The following CIDEA variants were observed in gnomAD, a reference collection of about 807,000 sequenced individuals.
The protein encoded by CIDEA is lipid transferase CIDEA.
Under a neutral mutation model 18.2 loss-of-function variants are expected in CIDEA, and 10 were observed. That is an observed-to-expected ratio of 0.55 (90% CI 0.34 to 0.93). The LOEUF (loss-of-function observed/expected upper bound fraction) is 0.93. Ranked by LOEUF, CIDEA falls within the 40% of genes least tolerant of loss-of-function variation. The pLI, the probability that CIDEA is intolerant of heterozygous loss-of-function variation, is 0.02. For synonymous variants in CIDEA, 128 were observed against 124.8 expected, an observed-to-expected ratio of 1.03 and a Z score of -0.17; for missense variants, 309 against 293.1, an observed-to-expected ratio of 1.05 and a Z score of -0.40.
At chr18:12,270,541 T>C (rs1012054112) in intron 3 of CIDEA, among the ~76,000 whole-genome samples, 1 of 151,698 alleles carries the variant, frequency 6.6e-6, no homozygotes, top group Non-Finnish European at 1.5e-5. Context: ...ATACAAAAAT[T>C]AGACAAGCAT....
intron 1 of CIDEA, chr18:12,254,640 G>A (rs1338523005): frequency 4.6e-6 from 7 of 1,528,910 alleles, no homozygotes; most frequent in East Asian, 2.5e-5. Context: ...ATCCCGTCCC[G>A]CGCCTCCTCA....
chr18:12,269,897 C>T (rs1359980050), intron 3 of CIDEA, among the ~76,000 whole-genome samples: 2 of 151,980 alleles, frequency 1.3e-5, no homozygotes, highest in Non-Finnish European at 2.9e-5. Context: ...GGGATTTCTC[C>T]ATGTTGCCCA....
At chr18:12,267,307 C>T (rs1231231265) in intron 3 of CIDEA, among the ~76,000 whole-genome samples, 3 of 152,220 alleles carry the variant, frequency 2.0e-5, no homozygotes, top group Non-Finnish European at 4.4e-5. Flanking sequence ...GCAGCACACA[C>T]GTGTGCCCAG....
At chr18:12,272,402 A>G (rs980092704) in intron 3 of CIDEA, among the ~76,000 whole-genome samples, 2 of 151,526 alleles carry the variant, frequency 1.3e-5, no homozygotes, top group Non-Finnish European at 2.9e-5. Flanking sequence ...TAGTAGAGAC[A>G]GGGTTTCGCC....
rs141768127 is a variant in CIDEA at position 12,274,247 on chromosome 18, G to C, written c.485G>C (p.Arg162Pro). The change falls in exon 4 of 5, where the codon CGG (arginine) becomes CCG (proline). Residue 162 changes from arginine (R) to proline (P), a missense_variant. Coordinates refer to ENST00000320477, the MANE Select transcript of CIDEA (RefSeq NM_001279.4). Reference sequence around the variant, plus strand: ...ATGTACTCCGTGTCCTACGACATCCGGTGCACGGGACTCAAGGGCCTGCTG... The same window carrying C: ...ATGTACTCCGTGTCCTACGACATCCCGTGCACGGGACTCAAGGGCCTGCTG... The part of the protein sequence containing the change: ...YEMYSVSYDI[R>P]CTGLKGLLRS... 6.2e-7 allele frequency: 1 copy of C among 1,614,154 alleles called. No homozygotes were observed.
chr18:12,262,337 CT>C (rs1489599459), intron 1 of CIDEA, among the ~76,000 whole-genome samples: 5 of 152,126 alleles, frequency 3.3e-5, no homozygotes, highest in Non-Finnish European at 7.3e-5. Context: ...ATTTCAGAAA[CT>C]TCATTGATTG....
chr18:12,271,994 T>C (rs1568105700), intron 3 of CIDEA, among the ~76,000 whole-genome samples: 1 of 152,046 alleles, frequency 6.6e-6, no homozygotes, highest in African/African-American at 2.4e-5. Context: ...GAAAGGGATG[T>C]GAGGCTCGGA....
chr18:12,254,563 C>CCCGCGCACGCACCCAT, intron 1 of CIDEA, 142 bp downstream of exon 1: 1 of 1,509,726 alleles, frequency 6.6e-7, no homozygotes, highest in Non-Finnish European at 8.8e-7. Flanking sequence ...GCTCCGCGAC[C>CCCGCGCACGCACCCAT]CCGCGCACAC....
At chr18:12,272,705 G>A (rs1912586114) in intron 3 of CIDEA, among the ~76,000 whole-genome samples, 1 of 152,046 alleles carries the variant, frequency 6.6e-6, no homozygotes, top group Non-Finnish European at 1.5e-5. Context: ...AAAGGATGAT[G>A]AAGTCAACCT....
At chr18:12,254,485 T>A in intron 1 of CIDEA, 64 bp downstream of exon 1, 1 of 1,568,038 alleles carries the variant, frequency 6.4e-7, no homozygotes, top group Non-Finnish European at 8.6e-7. Flanking sequence ...GGTGGCCTCA[T>A]ATTCCCCTGT....
chr18:12,260,065 C>T (rs150379452), intron 1 of CIDEA, among the ~76,000 whole-genome samples: 169 of 152,302 alleles, frequency 1.1e-3, no homozygotes, highest in African/African-American at 3.8e-3. Flanking sequence ...AAGGCACAAA[C>T]ACTCACGATT....
chr18:12,271,672 G>T (rs1912535858), intron 3 of CIDEA, among the ~76,000 whole-genome samples: 1 of 152,212 alleles, frequency 6.6e-6, no homozygotes, highest in Non-Finnish European at 1.5e-5. Flanking sequence ...TCGATGCCAC[G>T]GGTGTAGATG....
intron 3 of CIDEA, among the ~76,000 whole-genome samples, chr18:12,271,793 T>A (rs891532853): frequency 1.3e-5 from 2 of 151,698 alleles, no homozygotes; most frequent in Admixed American, 6.6e-5. Flanking sequence ...CAGTTTAGAC[T>A]GAGACCAGAA....
chr18:12,274,257 A>C lies in CIDEA; in HGVS notation c.495A>C (p.Gly165=). The C allele has an allele frequency of 4.3e-6, 7 of 1,614,106 alleles. No homozygotes were observed. The highest frequency in any genetic ancestry group is 5.9e-6 in the Non-Finnish European group (7 of 1,180,010). ...TGTCCTACGACATCCGGTGCACGGGACTCAAGGGCCTGCTGAGGTAACACA... is the reference window on the plus strand; with the variant it reads ...TGTCCTACGACATCCGGTGCACGGGCCTCAAGGGCCTGCTGAGGTAACACA... The part of the protein sequence containing the change: ...YSVSYDIRCT[G]LKGLLRSLLR... Residue 165 remains glycine, a synonymous_variant, in exon 4 of 5, where the codon GGA becomes GGC. Transcript: ENST00000320477.
rs950179581 is a variant in CIDEA at position 12,277,347 on chromosome 18, T to C, written c.*77T>C. On this transcript the variant is annotated 3_prime_UTR_variant, in exon 5 of 5. Coordinates refer to ENST00000320477, the MANE Select transcript of CIDEA (RefSeq NM_001279.4). ...CAATGACGAATGTTGAAGATGCTTTTATGTTCTGAGCCACATGCACTTGGA... is the reference window on the plus strand; with the variant it reads ...CAATGACGAATGTTGAAGATGCTTTCATGTTCTGAGCCACATGCACTTGGA... 1.3e-6 allele frequency: 2 copies of C among 1,534,346 alleles called. No homozygotes were observed. The highest frequency in any genetic ancestry group is 8.9e-7 in the Non-Finnish European group (1 of 1,121,516).
chr18:12,275,968 G>A lies in CIDEA; in HGVS notation c.513-1155G>A, dbSNP rs538875088. Among the ~76,000 whole-genome samples, 3 of 150,840 alleles carry A rather than the reference G, an allele frequency of 2.0e-5. No homozygotes were observed. In the Admixed American group the frequency reaches 2.0e-4, roughly 10 times the overall value. On this transcript the variant is annotated intron_variant, in intron 4 of 4. Transcript: ENST00000320477. The stretch of plus-strand genomic sequence containing the variant: ...TAACCTCACCCAAAATTCCACCTCA[G>A]TGAAATCTTTTTTCTTTTTCTTTTC...
chr18:12,272,145 T>G (rs1372478406), intron 3 of CIDEA, among the ~76,000 whole-genome samples: 13 of 2,536 alleles, frequency 5.1e-3, no homozygotes, highest in Non-Finnish European at 0.022. Flanking sequence ...TTTGAGTGTG[T>G]GTGTGGGGGG....
intron 3 of CIDEA, among the ~76,000 whole-genome samples, chr18:12,270,521 T>C (rs915602729): frequency 2.0e-5 from 3 of 151,850 alleles, no homozygotes; most frequent in Non-Finnish European, 2.9e-5. Flanking sequence ...AAACCCCGTC[T>C]TTACTAAAAA....
Position 12,277,332 on chromosome 18 carries a change from T to A in CIDEA, c.*62T>A. On this transcript the variant is annotated 3_prime_UTR_variant, in exon 5 of 5. Coordinates refer to ENST00000320477, the MANE Select transcript of CIDEA (RefSeq NM_001279.4). ...GTGTTTCGTTTGGCTCAATGACGAA[T>A]GTTGAAGATGCTTTTATGTTCTGAG... 6.3e-7 allele frequency: 1 copy of A among 1,576,508 alleles called. No individual in the cohort carries two copies. The highest frequency in any genetic ancestry group is 8.7e-7 in the Non-Finnish European group (1 of 1,151,034).
Sources: gnomAD v4.1 joint callset for allele counts (sites outside exome capture counted in the v4.1 genomes callset) on GRCh38, gnomAD v4.1.1 for gene constraint, MANE v1.5 for transcripts, NCBI Gene and HGNC (gene_info 2026-07-23, HGNC 2026-07-21) for gene names.